Variants in CDH13 observed in about 807,000 individuals in gnomAD.
CDH13 encodes cadherin-13.
In CDH13, 24 loss-of-function variants were observed where a neutral mutation model predicts 63.8. The observed-to-expected ratio is 0.38, with a 90% CI of 0.27 to 0.53. The LOEUF is 0.53. Ranked by LOEUF, CDH13 falls within the 20% of genes least tolerant of loss-of-function variation. The pLI is 0.85. For missense variants in CDH13, 1,049 were observed against 903.1 expected (o/e 1.16, Z -2.07); for synonymous variants, 503 against 355.3 (o/e 1.42, Z -4.67).
Position 83,352,323 on chromosome 16 carries a change from ACC to A in CDH13, c.781+7318_781+7319del, listed in dbSNP as rs1395432314. Among the ~76,000 whole-genome samples the A allele has an allele frequency of 5.1e-4, 78 of 152,346 alleles. 2 individuals are homozygous for A. Among genetic ancestry groups the A allele is most frequent in the African/African-American group, 1.7e-3 (71 of 41,586 alleles). On this transcript the variant is annotated intron_variant, in intron 6 of 13. Transcript: ENST00000567109. ...CTGAACTTCACTAGCTATTGACTCCACCTAGTCGTTCAAGAGGAAAGCGAATG... is the reference window on the plus strand; with the variant it reads ...CTGAACTTCACTAGCTATTGACTCCATAGTCGTTCAAGAGGAAAGCGAATG...
intron 13 of CDH13, among the ~76,000 whole-genome samples, chr16:83,786,421 A>C (rs692603): frequency 1.3e-5 from 2 of 151,836 alleles, no homozygotes; most frequent in African/African-American, 4.8e-5. Context: ...TTTGTGCTCT[A>C]GATTACGACT....
chr16:82,888,465 C>T (rs1361938585), intron 2 of CDH13, among the ~76,000 whole-genome samples: 2 of 152,134 alleles, frequency 1.3e-5, no homozygotes, highest in East Asian at 1.9e-4. Context: ...GGGCAAATGC[C>T]CCAGTGCTCT....
At chr16:83,649,155 G>A (rs1358309390) in intron 8 of CDH13, among the ~76,000 whole-genome samples, 1 of 152,210 alleles carries the variant, frequency 6.6e-6, no homozygotes, top group Admixed American at 6.5e-5. Flanking sequence ...AGGTTAAAGT[G>A]GCCACAGGCT....
At chr16:82,866,853 G>A (rs925546643) in intron 2 of CDH13, among the ~76,000 whole-genome samples, 2 of 152,142 alleles carry the variant, frequency 1.3e-5, no homozygotes, top group African/African-American at 4.8e-5. Context: ...TCACTATCAC[G>A]AGAGCAGCAT....
chr16:83,463,468 A>G (rs2151528011), intron 6 of CDH13, among the ~76,000 whole-genome samples: 1 of 152,292 alleles, frequency 6.6e-6, no homozygotes, highest in Non-Finnish European at 1.5e-5. Context: ...GGAAGATGGC[A>G]TACCACACTA....
intron 5 of CDH13, among the ~76,000 whole-genome samples, chr16:83,301,577 C>G (rs2089746599): frequency 6.6e-6 from 1 of 152,046 alleles, no homozygotes; most frequent in South Asian, 2.1e-4. Flanking sequence ...CAAGGTCGGA[C>G]CGACAGACTA....
intron 1 of CDH13, among the ~76,000 whole-genome samples, chr16:82,796,269 T>C (rs2151149146): frequency 6.6e-6 from 1 of 152,256 alleles, no homozygotes; most frequent in East Asian, 1.9e-4. Context: ...TATGGATGTA[T>C]GGAGGGAGTA....
chr16:83,414,085 C>T (rs2092166186), intron 6 of CDH13, among the ~76,000 whole-genome samples: 1 of 152,156 alleles, frequency 6.6e-6, no homozygotes, highest in African/African-American at 2.4e-5. Context: ...CTAACAAGTA[C>T]CTGCTTACCA....
At chr16:82,826,987 C>T (rs761764303) in intron 1 of CDH13, among the ~76,000 whole-genome samples, 4 of 152,170 alleles carry the variant, frequency 2.6e-5, no homozygotes, top group Non-Finnish European at 5.9e-5. Context: ...ACACGGCTGG[C>T]TTTGGAAGAA....
intron 10 of CDH13, among the ~76,000 whole-genome samples, chr16:83,718,405 A>G (rs965267696): frequency 2.0e-5 from 3 of 152,234 alleles, no homozygotes; most frequent in African/African-American, 4.8e-5. Context: ...AGCAAAAAGT[A>G]TACACTCAAG....
In CDH13 at chr16:83,017,085, C is replaced by G. The variant is rs1417526529; in HGVS notation, c.158-14925C>G. Reference sequence around the variant, plus strand: ...TAGCAAATTTCAAACTTATGTTTCCCCAGTCATTGAAGAAAGAACACTAGT... The same window carrying G: ...TAGCAAATTTCAAACTTATGTTTCCGCAGTCATTGAAGAAAGAACACTAGT... On this transcript the variant is annotated intron_variant, in intron 2 of 13. Transcript: ENST00000567109. Among the ~76,000 whole-genome samples the G allele has an allele frequency of 5.9e-5, 9 of 152,140 alleles. 1 individual carries two copies. In the South Asian group the frequency reaches 1.7e-3, roughly 28 times the overall value.
At chr16:82,630,007 C>T (rs904546084) in intron 1 of CDH13, among the ~76,000 whole-genome samples, 5 of 152,110 alleles carry the variant, frequency 3.3e-5, no homozygotes, top group Admixed American at 6.5e-5. Flanking sequence ...GGAGGACAGT[C>T]GCTTGGGAGT....
rs2089268573 is a variant in CDH13, at chr16:83,284,821, CT to C, written c.637-60036del. Among the ~76,000 whole-genome samples the C allele has an allele frequency of 1.1e-4, 16 of 152,068 alleles. No individual in the cohort carries two copies. In the South Asian group the frequency reaches 3.3e-3, roughly 32 times the overall value. ...ATAATACAATATAATGTGTATGTTT[CT>C]TTTTAAAACCTTTTCAGTATACGTT... is the stretch of plus-strand genomic sequence containing the variant. On this transcript the variant is annotated intron_variant, in intron 5 of 13. Transcript: ENST00000567109.
intron 10 of CDH13, among the ~76,000 whole-genome samples, chr16:83,733,623 A>C (rs1390234460): frequency 6.6e-6 from 1 of 152,140 alleles, no homozygotes; most frequent in African/African-American, 2.4e-5. Context: ...GGCAATATCC[A>C]TGCTCAGCTT....
At chr16:83,567,754 C>G (rs1337152608) in intron 7 of CDH13, among the ~76,000 whole-genome samples, 4 of 152,096 alleles carry the variant, frequency 2.6e-5, no homozygotes, top group African/African-American at 9.7e-5. Flanking sequence ...CGCCACCACG[C>G]CCGGCTAATT....
intron 7 of CDH13, among the ~76,000 whole-genome samples, chr16:83,520,196 A>T (rs1279702739): frequency 6.6e-6 from 1 of 152,214 alleles, no homozygotes; most frequent in Non-Finnish European, 1.5e-5. Flanking sequence ...CTAGAGGTAA[A>T]CAGTGATGAA....
intron 8 of CDH13, among the ~76,000 whole-genome samples, chr16:83,614,144 G>A (rs1301793437): frequency 6.6e-6 from 1 of 152,166 alleles, no homozygotes; most frequent in Non-Finnish European, 1.5e-5. Context: ...GAGATTAGTA[G>A]AGGCTCTGGC....
At chr16:82,973,534 G>A (rs900806343) in intron 2 of CDH13, among the ~76,000 whole-genome samples, 1 of 152,174 alleles carries the variant, frequency 6.6e-6, no homozygotes, top group African/African-American at 2.4e-5. Flanking sequence ...AAAACAAGGT[G>A]TAGTCCCTAC....
intron 1 of CDH13, among the ~76,000 whole-genome samples, chr16:82,804,627 T>C (rs1175704975): frequency 6.6e-6 from 1 of 152,182 alleles, no homozygotes; most frequent in Non-Finnish European, 1.5e-5. Context: ...TCACATCAGT[T>C]TGTGGATTAG....
Sources: gnomAD v4.1 joint callset for allele counts (sites outside exome capture counted in the v4.1 genomes callset) on GRCh38, gnomAD v4.1.1 for gene constraint, MANE v1.5 for transcripts, NCBI Gene and HGNC (gene_info 2026-07-23, HGNC 2026-07-21) for gene names.